DKK4: variants seen among roughly 807,000 people sequenced by gnomAD.
DKK4 encodes the protein dickkopf-related protein 4.
A neutral mutation model predicts 14.5 loss-of-function variants in DKK4; 15 were observed. The ratio of observed to expected loss-of-function variants is 1.03; its 90% CI spans 0.69 to 1.59. The LOEUF is 1.59. Ranked by LOEUF, DKK4 falls within the 40% of genes most tolerant of loss-of-function variation. The pLI, the probability that DKK4 is intolerant of heterozygous loss-of-function variation, is 0.00. For missense variants in DKK4, 272 were observed against 280.3 expected, an observed-to-expected ratio of 0.97 and a Z score of 0.21; for synonymous variants, 89 against 105.2, an observed-to-expected ratio of 0.85 and a Z score of 0.94.
chr8:42,374,248 C>G lies in DKK4; in HGVS notation c.527G>C (p.Cys176Ser). The G allele has an allele frequency of 6.2e-7, 1 of 1,612,090 alleles. No homozygotes were observed. Reference sequence around the variant, plus strand: ...AGTGTCTTTATGCCCTCTTCTGGAGCAGACCTGTCCCTCCAAAAGGACTGG... The same window carrying G: ...AGTGTCTTTATGCCCTCTTCTGGAGGAGACCTGTCCCTCCAAAAGGACTGG... ...CKPVLLEGQV[C>S]SRRGHKDTAQ... is the part of the protein sequence containing the mutation. The change falls in exon 4 of 4, where the codon TGC (cysteine) becomes TCC (serine). Residue 176 changes from cysteine to serine, a missense_variant. Cys to Ser is a moderately radical substitution (Grantham distance 112). Transcript: ENST00000220812.
rs2130873147 is a variant in DKK4, at chr8:42,375,798, A to T, written c.144T>A (p.Asn48Lys). Residue 48 changes from asparagine to lysine, a missense_variant, in exon 2 of 4, where the codon AAT becomes AAA. Asn to Lys is a moderately conservative substitution (Grantham distance 94). Coordinates refer to ENST00000220812, the MANE Select transcript of DKK4 (RefSeq NM_014420.3). ...GGGGCTGGAGGCAGAACTTTCTGGTATTGCAGTCCGTGTCAGACAGGCACT... is the reference window on the plus strand; with the variant it reads ...GGGGCTGGAGGCAGAACTTTCTGGTTTTGCAGTCCGTGTCAGACAGGCACT... Reference protein sequence around the residue: ...GSQCLSDTDCNTRKFCLQPRD... With the variant: ...GSQCLSDTDCKTRKFCLQPRD... 10 of 1,614,118 alleles carry T rather than the reference A, an allele frequency of 6.2e-6. No individual in the cohort carries two copies. Among genetic ancestry groups the T allele is most frequent in the Non-Finnish European group, 7.6e-6 (9 of 1,180,010 alleles).
At chr8:42,378,018 T>G (rs1824595583), upstream of DKK4, among the ~76,000 whole-genome samples, 1 of 152,228 alleles carries the variant, frequency 6.6e-6, no homozygotes, top group African/African-American at 2.4e-5. Flanking sequence ...GATCCAAGTC[T>G]CTGGCTGATT....
chr8:42,385,563 G>GC, the DKK4 span, among the ~76,000 whole-genome samples: 3 of 151,718 alleles, frequency 2.0e-5, no homozygotes, highest in Non-Finnish European at 2.9e-5. Context: ...TGTCACCTTG[G>GC]CCCCCCCATA....
chr8:42,376,151 A>G (rs1467790236), intron 1 of DKK4, among the ~76,000 whole-genome samples: 2 of 152,170 alleles, frequency 1.3e-5, no homozygotes, highest in African/African-American at 4.8e-5. Context: ...GATTTTCAAT[A>G]TATCTTAACT....
the DKK4 span, among the ~76,000 whole-genome samples, chr8:42,389,567 A>G: frequency 2.0e-5 from 3 of 152,270 alleles, no homozygotes; most frequent in East Asian, 5.8e-4. Flanking sequence ...ACAGCGGTCA[A>G]ATCTGATATT....
At chr8:42,374,966 C>G (rs1467041060) in intron 2 of DKK4, 53 bp from the exon 3 acceptor site, 52 of 1,582,360 alleles carry the variant, frequency 3.3e-5, no homozygotes, top group South Asian at 2.7e-4. Context: ...GGGAGAACCA[C>G]AGACACACTA....
rs1381482744 is a variant in DKK4, at chr8:42,375,932, C to T, written c.112-102G>A. The stretch of plus-strand genomic sequence containing the variant: ...GGCGGAGGGAGCCAAAGGACAGTGG[C>T]GCTGTGACAAACCCTGGGCAGCATC... On this transcript the variant is annotated intron_variant, in intron 1 of 3. Transcript: ENST00000220812. The T allele has an allele frequency of 1.1e-5, 16 of 1,424,126 alleles. No homozygotes were observed. In the East Asian group the frequency reaches 1.7e-4, roughly 15 times the overall value. 88.2% of individuals were successfully genotyped at this position (1,424,126 alleles called of 1,614,324 possible).
At chr8:42,383,581 G>C in the DKK4 span, among the ~76,000 whole-genome samples, 41 of 152,240 alleles carry the variant, frequency 2.7e-4, no homozygotes, top group Non-Finnish European at 5.4e-4. Context: ...CATCTGGCTG[G>C]GAATAGCACC....
chr8:42,389,938 C>T, the DKK4 span, among the ~76,000 whole-genome samples: 1 of 151,478 alleles, frequency 6.6e-6, no homozygotes, highest in Non-Finnish European at 1.5e-5. Flanking sequence ...GTCACCCAGG[C>T]TGGAGTGCAA....
upstream of DKK4, among the ~76,000 whole-genome samples, chr8:42,377,835 G>T (rs1301484329): frequency 1.3e-5 from 2 of 152,190 alleles, no homozygotes; most frequent in East Asian, 3.8e-4. Context: ...AAATTGAACT[G>T]TTTGAAGTTA....
chr8:42,381,392 C>T (rs1279975540), upstream of DKK4, among the ~76,000 whole-genome samples: 1 of 152,152 alleles, frequency 6.6e-6, no homozygotes, highest in Non-Finnish European at 1.5e-5. Flanking sequence ...TAAGAGTAGC[C>T]ATTGTGTCTT....
the DKK4 span, among the ~76,000 whole-genome samples, chr8:42,387,212 T>C: frequency 2.0e-5 from 3 of 149,860 alleles, no homozygotes; most frequent in Admixed American, 2.0e-4. Context: ...GCCATGGGTA[T>C]TGGTATCAGG....
the DKK4 span, among the ~76,000 whole-genome samples, chr8:42,383,985 T>C: frequency 3.3e-5 from 5 of 152,096 alleles, no homozygotes; most frequent in Non-Finnish European, 7.4e-5. Flanking sequence ...TGTGCCTTCC[T>C]AGGTCCTAAG....
Sources: gnomAD v4.1 joint callset for allele counts (sites outside exome capture counted in the v4.1 genomes callset) on GRCh38, gnomAD v4.1.1 for gene constraint, MANE v1.5 for transcripts, NCBI Gene and HGNC (gene_info 2026-07-23, HGNC 2026-07-21) for gene names.